SLC6A3: variants seen among roughly 807,000 people sequenced by gnomAD.
The protein encoded by SLC6A3 is sodium-dependent dopamine transporter.
In SLC6A3, 19 loss-of-function variants were observed where a neutral mutation model predicts 70.4. The ratio of observed to expected loss-of-function variants is 0.27; its 90% CI spans 0.19 to 0.40. SLC6A3 has a LOEUF of 0.40. Ranked by LOEUF, SLC6A3 falls within the 10% of genes least tolerant of loss-of-function variation. The pLI, the probability that SLC6A3 is intolerant of heterozygous loss-of-function variation, is 1.00. For synonymous variants in SLC6A3, 368 were observed against 356.6 expected (o/e 1.03, Z -0.36); for missense variants, 613 against 838.5 (o/e 0.73, Z 3.32).
chr5:1,414,482 C>CCGGGAGGGGCAGGGCAGGGAAGGCG (rs1560912999), intron 8 of SLC6A3, among the ~76,000 whole-genome samples: 4 of 101,354 alleles, frequency 3.9e-5, no homozygotes, highest in Non-Finnish European at 2.2e-5. Context: ...GGGTGGGGGG[C>CCGGGAGGGGCAGGGCAGGGAAGGCG]CTGGAGGGTC....
rs751934788 is a variant in SLC6A3 at position 1,421,894 on chromosome 5, G to A, written c.774C>T (p.Gly258=). The change falls in exon 5 of 15, where the codon GGC becomes GGT. Residue 258 remains glycine, a synonymous_variant. Transcript: ENST00000270349. The surrounding 1 kb of genome is among the most constrained non-coding windows in gnomAD (Gnocchi z 7.2). The stretch of plus-strand genomic sequence containing the variant: ...GCCTCACCTTCCCTGAGGTCTTCAC[G>A]CCCTTCCAGAGGCTGAAGTAGAGCA... The part of the protein sequence containing the change: ...IVLLYFSLWK[G]VKTSGKVVWI... 9.9e-6 allele frequency: 16 copies of A among 1,613,080 alleles called. No individual in the cohort carries two copies. Among genetic ancestry groups the A allele is most frequent in the Middle Eastern group, 1.6e-4 (1 of 6,084 alleles).
At position 1,401,634 on chromosome 5, in the gene SLC6A3, C is replaced by A. The variant is rs1328442161; in HGVS notation, c.1768-648G>T. On this transcript the variant is annotated intron_variant, in intron 13 of 14. Transcript: ENST00000270349. This position sits in a 1 kb window ranked among gnomAD's most constrained non-coding sequence, Gnocchi z 6.1. The stretch of plus-strand genomic sequence containing the variant: ...CCCACCCCACGTCATCACCACAATT[C>A]CACTTGTACCTGGCTCAGCTGCTGA... Among the ~76,000 whole-genome samples the A allele has an allele frequency of 6.6e-6, 1 of 152,224 alleles. No homozygotes were observed. Among genetic ancestry groups the A allele is most frequent in the Non-Finnish European group, 1.5e-5 (1 of 68,034 alleles).
At position 1,413,594 on chromosome 5, in the gene SLC6A3, C is replaced by T. The variant is rs1403938339; in HGVS notation, c.1156+1097G>A. Among the ~76,000 whole-genome samples the T allele has an allele frequency of 6.6e-6, 1 of 152,180 alleles. No homozygotes were observed. Among genetic ancestry groups the T allele is most frequent in the Non-Finnish European group, 1.5e-5 (1 of 68,026 alleles). ...AATCATTCCTCACAAATGTAGTGCC[C>T]CCACCCCACCCCCGGAGAAGACAGT... On this transcript the variant is annotated intron_variant, in intron 8 of 14. Transcript: ENST00000270349. This position sits in a 1 kb window ranked among gnomAD's most constrained non-coding sequence, Gnocchi z 7.1.
chr5:1,410,545 G>A (rs140512419), intron 9 of SLC6A3, among the ~76,000 whole-genome samples: 3 of 152,266 alleles, frequency 2.0e-5, no homozygotes, highest in South Asian at 2.1e-4. Flanking sequence ...GCCCAGGGCC[G>A]ATCAAGGGCT....
chr5:1,414,002 C>T (rs539065541), intron 8 of SLC6A3, among the ~76,000 whole-genome samples: 14 of 152,332 alleles, frequency 9.2e-5, no homozygotes, highest in Middle Eastern at 3.4e-3. Context: ...CCCACCCTCT[C>T]GGAGACAACT....
chr5:1,420,290 A>G (rs538854038), intron 6 of SLC6A3, among the ~76,000 whole-genome samples: 2 of 152,284 alleles, frequency 1.3e-5, no homozygotes, highest in African/African-American at 4.8e-5. Flanking sequence ...GGCCCAGCTG[A>G]GTCTCCTCTC....
At chr5:1,433,981 A>G (rs1318021568) in intron 3 of SLC6A3, among the ~76,000 whole-genome samples, 1 of 152,148 alleles carries the variant, frequency 6.6e-6, no homozygotes, top group African/African-American at 2.4e-5. Context: ...GCATTTGCCC[A>G]TAACTATCTA....
rs187191298 is a variant in SLC6A3 at position 1,428,843 on chromosome 5, G to A, written c.653+3621C>T. On this transcript the variant is annotated intron_variant, in intron 4 of 14. Coordinates refer to ENST00000270349, the MANE Select transcript of SLC6A3 (RefSeq NM_001044.5). ...GGCCAGCGTCTCACCCAGGCCTCAC[G>A]GTTACTTCCTGAGGACCTGTAGTAA... 3.9e-4 allele frequency among the ~76,000 whole-genome samples: 60 copies of A among 152,302 alleles called. 1 individual carries two copies. The highest frequency in any genetic ancestry group is 2.0e-3 in the Admixed American group (31 of 15,298).
chr5:1,414,588 G>T (rs936128919), intron 8 of SLC6A3, 103 bp downstream of exon 8: 2 of 1,375,590 alleles, frequency 1.5e-6, no homozygotes, highest in African/African-American at 1.4e-5. Flanking sequence ...AAGTCGCTCA[G>T]GGCCCATGCG....
At position 1,409,757 on chromosome 5, in the gene SLC6A3, C is replaced by G. The variant is rs1176974490; in HGVS notation, c.1362G>C (p.Leu454=). 2 of 1,613,444 alleles carry G rather than the reference C, an allele frequency of 1.2e-6. No individual in the cohort carries two copies. The highest frequency in any genetic ancestry group is 1.7e-6 in the Non-Finnish European group (2 of 1,180,026). Residue 454 remains leucine, a synonymous_variant, in exon 10 of 15, where the codon CTG becomes CTC. Transcript: ENST00000270349. The part of the protein sequence containing the change: ...HRELFTLFIV[L]ATFLLSLFCV... ...AGAACAGGGACAGGAGGAAGGTCGC[C>G]AGGACGATGAAGAGCGTGAAGAGCT...
In SLC6A3 at chr5:1,409,708, C is replaced by G. The variant is rs777264250; in HGVS notation, c.1398+13G>C. 1.2e-6 allele frequency: 2 copies of G among 1,612,880 alleles called. No individual in the cohort carries two copies. The highest frequency in any genetic ancestry group is 1.7e-6 in the Non-Finnish European group (2 of 1,179,992). On this transcript the variant is annotated intron_variant, in intron 10 of 14. Transcript: ENST00000270349. ...CATGACCAGGAGAAGGCGAAGCCGG[C>G]GATGGTACGTACGTTGGTGACGCAG... is the stretch of plus-strand genomic sequence containing the variant.
At position 1,437,180 on chromosome 5, in the gene SLC6A3, C is replaced by T. The variant is rs540750236; in HGVS notation, c.418+4179G>A. ...GCAGGAGAATCGCTTGAACCCGGGACGCGCAGGTGACAGTGAGCCAAGATC... is the reference window on the plus strand; with the variant it reads ...GCAGGAGAATCGCTTGAACCCGGGATGCGCAGGTGACAGTGAGCCAAGATC... On this transcript the variant is annotated intron_variant, in intron 3 of 14. Transcript: ENST00000270349. The surrounding 1 kb of genome is among the most constrained non-coding windows in gnomAD (Gnocchi z 4.8). Among the ~76,000 whole-genome samples, 125 of 150,800 alleles carry T rather than the reference C, an allele frequency of 8.3e-4. No individual in the cohort carries two copies. The highest frequency in any genetic ancestry group is 3.4e-3 in the Middle Eastern group (1 of 290).
intron 7 of SLC6A3, 140 bp downstream of exon 7, chr5:1,415,958 G>A (rs1394707548): frequency 7.0e-6 from 5 of 711,400 alleles, no homozygotes; most frequent in Non-Finnish European, 1.3e-5. Flanking sequence ...TGTCGCTTCT[G>A]TCTGAAAGGC....
chr5:1,399,606 C>T (rs1319581465), intron 14 of SLC6A3, among the ~76,000 whole-genome samples: 2 of 152,206 alleles, frequency 1.3e-5, no homozygotes, highest in African/African-American at 4.8e-5. Context: ...AGGAGAGAGG[C>T]TCTGGTGGAG....
chr5:1,435,201 G>T (rs759122021), intron 3 of SLC6A3, among the ~76,000 whole-genome samples: 1 of 152,240 alleles, frequency 6.6e-6, no homozygotes, highest in Non-Finnish European at 1.5e-5. Flanking sequence ...TCCCTTAGGA[G>T]AGAGGCTGGG....
chr5:1,409,700 G>A (rs746471390), intron 10 of SLC6A3, 21 bp downstream of exon 10: 25 of 1,612,642 alleles, frequency 1.6e-5, no homozygotes, highest in East Asian at 4.5e-5. Flanking sequence ...AGGAGAAGGC[G>A]AAGCCGGCGA....
intron 6 of SLC6A3, among the ~76,000 whole-genome samples, chr5:1,419,605 C>T (rs985207907): frequency 4.4e-4 from 67 of 152,334 alleles, no homozygotes; most frequent in African/African-American, 1.5e-3. Context: ...GGGGTCCAGA[C>T]GCCCTGCTGA....
intron 10 of SLC6A3, among the ~76,000 whole-genome samples, chr5:1,409,344 T>C (rs377115546): frequency 3.9e-5 from 6 of 152,252 alleles, no homozygotes; most frequent in African/African-American, 1.4e-4. Flanking sequence ...TCATGTGCAA[T>C]TAGAAATGGA....
chr5:1,416,651 A>C (rs1756300471), intron 6 of SLC6A3: 1 of 309,062 alleles, frequency 3.2e-6, no homozygotes, highest in African/African-American at 2.2e-5. Context: ...GCATGACCTC[A>C]GCGTCCTAAT....
Sources: gnomAD v4.1 joint callset for allele counts (sites outside exome capture counted in the v4.1 genomes callset) on GRCh38, gnomAD v4.1.1 for gene constraint, Gnocchi (gnomAD v3.1) non-coding constraint, MANE v1.5 for transcripts, NCBI Gene and HGNC (gene_info 2026-07-23, HGNC 2026-07-21) for gene names.